Variants in PBX1 observed in about 807,000 individuals in gnomAD.
The protein encoded by PBX1 is PBX homeobox 1.
Under a neutral mutation model 53.4 loss-of-function variants are expected in PBX1, and 6 were observed. The observed-to-expected ratio is 0.11, with a 90% CI of 0.06 to 0.22. PBX1 has a LOEUF of 0.22. Ranked by LOEUF, PBX1 falls within the 10% of genes least tolerant of loss-of-function variation. The pLI, the probability that PBX1 is intolerant of heterozygous loss-of-function variation, is 1.00. For synonymous variants in PBX1, 204 were observed against 212.3 expected (o/e 0.96, Z 0.34); for missense variants, 251 against 551.4 (o/e 0.46, Z 5.46).
intron 3 of PBX1, among the ~76,000 whole-genome samples, chr1:164,796,279 A>T (rs1327035939): frequency 6.6e-6 from 1 of 152,166 alleles, no homozygotes; most frequent in Non-Finnish European, 1.5e-5. Context: ...AAGTGCTAGG[A>T]TTACAGGCGT....
intron 2 of PBX1, among the ~76,000 whole-genome samples, chr1:164,759,445 C>T (rs910297181): frequency 6.6e-6 from 1 of 152,162 alleles, no homozygotes; most frequent in Non-Finnish European, 1.5e-5. Flanking sequence ...CCTTGCACCC[C>T]GGGTGACACA....
chr1:164,617,994 T>G (rs965469311), intron 2 of PBX1, among the ~76,000 whole-genome samples: 6 of 152,282 alleles, frequency 3.9e-5, no homozygotes, highest in East Asian at 1.9e-4. Flanking sequence ...AACCCAGATC[T>G]CTGGCCCATT....
intron 2 of PBX1, among the ~76,000 whole-genome samples, chr1:164,741,181 A>T (rs544329901): frequency 6.6e-6 from 1 of 152,344 alleles, no homozygotes; most frequent in South Asian, 2.1e-4. Context: ...TAACTCGAGG[A>T]TATAACTCAA....
At chr1:164,629,065 C>A (rs1658235238) in intron 2 of PBX1, among the ~76,000 whole-genome samples, 2 of 152,082 alleles carry the variant, frequency 1.3e-5, no homozygotes, top group African/African-American at 4.8e-5. Flanking sequence ...TCAGCTGGGG[C>A]CAGTGCTGTG....
chr1:164,830,704 A>G (rs1670711725), intron 8 of PBX1, among the ~76,000 whole-genome samples: 2 of 152,148 alleles, frequency 1.3e-5, no homozygotes, highest in African/African-American at 2.4e-5. Flanking sequence ...CTTACATAAG[A>G]TAGAGTCTTT....
At chr1:164,637,052 T>G (rs1658827094) in intron 2 of PBX1, among the ~76,000 whole-genome samples, 1 of 152,152 alleles carries the variant, frequency 6.6e-6, no homozygotes, top group Non-Finnish European at 1.5e-5. Flanking sequence ...TATCTTCAGC[T>G]TGGGAAACTG....
chr1:164,640,563 T>G (rs1173931083), intron 2 of PBX1, among the ~76,000 whole-genome samples: 86 of 148,754 alleles, frequency 5.8e-4, no homozygotes, highest in Non-Finnish European at 1.0e-3. Context: ...TTTGTGTTTT[T>G]TTTTTTTTTT....
chr1:164,766,387 C>G (rs915345573), intron 2 of PBX1, among the ~76,000 whole-genome samples: 2 of 152,130 alleles, frequency 1.3e-5, no homozygotes, highest in Admixed American at 1.3e-4. Context: ...TTTCTATTTT[C>G]TCTCACTTCC....
intron 8 of PBX1, among the ~76,000 whole-genome samples, chr1:164,827,519 A>G (rs1285329917): frequency 1.3e-5 from 2 of 152,218 alleles, no homozygotes; most frequent in Non-Finnish European, 1.5e-5. Flanking sequence ...GAGATAGAGT[A>G]GATAGATGGA....
intron 2 of PBX1, chr1:164,680,509 A>T (rs1661697791): frequency 6.6e-6 from 1 of 152,180 alleles, no homozygotes; most frequent in Non-Finnish European, 1.5e-5. Flanking sequence ...TATGCAGTGG[A>T]TCTACCACTA....
intron 8 of PBX1, among the ~76,000 whole-genome samples, chr1:164,843,579 G>A (rs1571515121): frequency 6.6e-6 from 1 of 151,632 alleles, no homozygotes; most frequent in Non-Finnish European, 1.5e-5. Flanking sequence ...GAGTGAAAGA[G>A]GTTTTGTTTA....
intron 2 of PBX1, among the ~76,000 whole-genome samples, chr1:164,596,922 T>C (rs1326432899): frequency 6.6e-6 from 1 of 152,120 alleles, no homozygotes; most frequent in Non-Finnish European, 1.5e-5. Flanking sequence ...CAGAGAAATT[T>C]AGTTCCTTGG....
intron 2 of PBX1, chr1:164,771,244 G>A (rs967333453): frequency 5.9e-5 from 9 of 152,080 alleles, no homozygotes; most frequent in Non-Finnish European, 1.0e-4. Flanking sequence ...AACAAAATGA[G>A]AACTTGATAT....
Position 164,848,542 on chromosome 1 carries a change from C to T in PBX1, c.*1866C>T. 1 of 1,059,682 alleles carries T rather than the reference C, an allele frequency of 9.4e-7. No individual in the cohort carries two copies. The highest frequency in any genetic ancestry group is 1.1e-6 in the Non-Finnish European group (1 of 875,792). 65.6% of individuals were successfully genotyped at this position (1,059,682 alleles called of 1,614,324 possible). On this transcript the variant is annotated 3_prime_UTR_variant, in exon 9 of 9. Coordinates refer to ENST00000420696, the MANE Select transcript of PBX1 (RefSeq NM_002585.4). ...TTGTAACTTCTGGTTAATATCAGTA[C>T]CTTGATGTCATCACCGTGATGACAA...
At chr1:164,807,267 A>T (rs1669405367) in intron 4 of PBX1, among the ~76,000 whole-genome samples, 1 of 152,056 alleles carries the variant, frequency 6.6e-6, no homozygotes, top group African/African-American at 2.4e-5. Context: ...AAAAAAACAA[A>T]CCAAGATGGC....
At chr1:164,759,841 T>C (rs558087673) in intron 2 of PBX1, among the ~76,000 whole-genome samples, 1 of 152,304 alleles carries the variant, frequency 6.6e-6, no homozygotes, top group African/African-American at 2.4e-5. Context: ...CCCTTGGTTA[T>C]GGCCTGTGCT....
chr1:164,860,413 G>C (rs764655648), intron 2 of PBX1, among the ~76,000 whole-genome samples: 2 of 152,058 alleles, frequency 1.3e-5, no homozygotes, highest in African/African-American at 4.8e-5. Context: ...TTCTGAGGGG[G>C]CTTTATTAAT....
At chr1:164,818,586 T>G (rs1161847053) in intron 6 of PBX1, 1 of 151,986 alleles carries the variant, frequency 6.6e-6, no homozygotes, top group Non-Finnish European at 1.5e-5. Flanking sequence ...ATAGCTAGGT[T>G]TTTTTTGCAT....
At chr1:164,633,298 C>T (rs1158136109) in intron 2 of PBX1, among the ~76,000 whole-genome samples, 3 of 152,004 alleles carry the variant, frequency 2.0e-5, no homozygotes, top group Admixed American at 6.6e-5. Context: ...TACAGGTGTG[C>T]GTCACCATGC....
Sources: gnomAD v4.1 joint callset for allele counts (sites outside exome capture counted in the v4.1 genomes callset) on GRCh38, gnomAD v4.1.1 for gene constraint, MANE v1.5 for transcripts, NCBI Gene and HGNC (gene_info 2026-07-23, HGNC 2026-07-21) for gene names.